CAST: variants seen among roughly 807,000 people sequenced by gnomAD.
CAST encodes the protein calpastatin, also known as MIR583 host.
In CAST, 76 loss-of-function variants were observed where a neutral mutation model predicts 119.6. The ratio of observed to expected loss-of-function variants is 0.64; its 90% CI spans 0.53 to 0.77. The LOEUF is 0.77. CAST is among the 30% of genes least tolerant of loss of function. CAST has a pLI of 0.00. For missense variants in CAST, 953 were observed against 946.5 expected, an observed-to-expected ratio of 1.01 and a Z score of -0.09; for synonymous variants, 319 against 331.6, an observed-to-expected ratio of 0.96 and a Z score of 0.41.
At chr5:96,192,714 A>T in the CAST span, among the ~76,000 whole-genome samples, 2,991 of 152,286 alleles carry the variant, frequency 0.02, 108 homozygotes, top group East Asian at 0.17. Context: ...TGCTGGGGCC[A>T]GTGGAACGTG....
At chr5:96,268,367 G>C in the CAST span, among the ~76,000 whole-genome samples, 3 of 152,148 alleles carry the variant, frequency 2.0e-5, no homozygotes, top group African/African-American at 7.2e-5. Flanking sequence ...GAGGCAAGAA[G>C]TTCGGGCCCA....
At chr5:96,650,945 A>G (rs538330900) in intron 1 of CAST, among the ~76,000 whole-genome samples, 2 of 152,304 alleles carry the variant, frequency 1.3e-5, no homozygotes, top group East Asian at 3.9e-4. Flanking sequence ...TCCAATCTTG[A>G]CACTGAAGCA....
chr5:96,331,350 G>A, the CAST span, among the ~76,000 whole-genome samples: 1 of 152,208 alleles, frequency 6.6e-6, no homozygotes, highest in Non-Finnish European at 1.5e-5. Context: ...GGAGGAGGTA[G>A]GAGAAGATGA....
chr5:96,076,661 C>T, the CAST span, among the ~76,000 whole-genome samples: 6 of 152,052 alleles, frequency 3.9e-5, no homozygotes, highest in African/African-American at 7.2e-5. Context: ...GCATTTGCCA[C>T]GTCATAAGAA....
intron 3 of CAST, among the ~76,000 whole-genome samples, chr5:96,701,160 T>A (rs1413574563): frequency 6.6e-6 from 1 of 152,088 alleles, no homozygotes; most frequent in African/African-American, 2.4e-5. Flanking sequence ...ACTCCTGAGC[T>A]CAGGTGATCC....
the CAST span, among the ~76,000 whole-genome samples, chr5:96,004,435 A>G: frequency 2.0e-5 from 3 of 152,352 alleles, no homozygotes; most frequent in African/African-American, 7.2e-5. Context: ...ACTTATTCTC[A>G]AATGGTTTAG....
chr5:96,221,371 A>G, the CAST span, among the ~76,000 whole-genome samples: 1 of 152,126 alleles, frequency 6.6e-6, no homozygotes, highest in African/African-American at 2.4e-5. Flanking sequence ...TAAAGGCTCC[A>G]TCATAACCCT....
chr5:96,604,853 A>C (rs1021838055), intron 1 of CAST, among the ~76,000 whole-genome samples: 3 of 152,240 alleles, frequency 2.0e-5, no homozygotes, highest in African/African-American at 7.2e-5. Flanking sequence ...AGCTCAGAAG[A>C]GTGGGCTCAG....
At chr5:96,568,424 G>T (rs1746511790) in intron 1 of CAST, among the ~76,000 whole-genome samples, 1 of 151,964 alleles carries the variant, frequency 6.6e-6, no homozygotes, top group East Asian at 1.9e-4. Flanking sequence ...AATTAGCTGG[G>T]CATAGCAGGG....
At chr5:96,681,732 C>CAAAAA (rs70981836) in intron 2 of CAST, among the ~76,000 whole-genome samples, 1 of 89,456 alleles carries the variant, frequency 1.1e-5, no homozygotes, top group African/African-American at 4.4e-5. Flanking sequence ...GACTCCGTCT[C>CAAAAA]AAAAAAAAAA....
At chr5:96,089,466 A>G in the CAST span, among the ~76,000 whole-genome samples, 383 of 152,352 alleles carry the variant, frequency 2.5e-3, 2 homozygotes, top group African/African-American at 8.8e-3. Flanking sequence ...CAAAAGGTCC[A>G]CTTAATAGAG....
the CAST span, among the ~76,000 whole-genome samples, chr5:96,377,261 CTA>C: frequency 6.6e-6 from 1 of 151,816 alleles, no homozygotes; most frequent in Non-Finnish European, 1.5e-5. Context: ...ATAAAAATAT[CTA>C]TTTATGAATT....
chr5:96,452,280 G>T, the CAST span, among the ~76,000 whole-genome samples: 1 of 152,054 alleles, frequency 6.6e-6, no homozygotes, highest in Non-Finnish European at 1.5e-5. Flanking sequence ...AGAAAATGTG[G>T]CACATATACA....
the CAST span, among the ~76,000 whole-genome samples, chr5:96,468,237 T>C: frequency 6.6e-6 from 1 of 151,428 alleles, no homozygotes; most frequent in Non-Finnish European, 1.5e-5. Flanking sequence ...AAATGGGGAG[T>C]GTGGAGAGGA....
chr5:96,304,793 T>G, the CAST span, among the ~76,000 whole-genome samples: 1 of 152,236 alleles, frequency 6.6e-6, no homozygotes, highest in Non-Finnish European at 1.5e-5. Context: ...GCCTCTGTTC[T>G]GTTCCATTGG....
chr5:96,216,934 A>G, the CAST span, among the ~76,000 whole-genome samples: 1 of 152,162 alleles, frequency 6.6e-6, no homozygotes, highest in Non-Finnish European at 1.5e-5. Flanking sequence ...CTTTTTATCC[A>G]TTGTGCTTTC....
chr5:96,743,791 A>G, intron 16 of CAST: 1 of 1,223,230 alleles, frequency 8.2e-7, no homozygotes, highest in Non-Finnish European at 1.2e-6. Flanking sequence ...ACACAATGTG[A>G]GATATACATT....
chr5:95,985,663 T>G, the CAST span, among the ~76,000 whole-genome samples: 1 of 152,238 alleles, frequency 6.6e-6, no homozygotes, highest in Non-Finnish European at 1.5e-5. Context: ...TTCTTTAACC[T>G]TTTAAGATAC....
At chr5:96,542,422 G>A (rs1745931187) in intron 1 of CAST, among the ~76,000 whole-genome samples, 2 of 151,368 alleles carry the variant, frequency 1.3e-5, no homozygotes, top group South Asian at 4.2e-4. Flanking sequence ...AGTTCATATT[G>A]TTCCACATCC....
Sources: allele counts gnomAD v4.1 joint callset (sites outside exome capture counted in the v4.1 genomes callset), GRCh38; gene constraint gnomAD v4.1.1; transcripts MANE v1.5; gene names NCBI Gene and HGNC (gene_info 2026-07-23, HGNC 2026-07-21).